The following PCDH9 variants were observed in gnomAD, a reference collection of about 807,000 sequenced individuals.
PCDH9 encodes the protein protocadherin 9, also known as protocadherin-9.
A neutral mutation model predicts 70.6 loss-of-function variants in PCDH9; 24 were observed. The observed-to-expected ratio is 0.34, with a 90% confidence interval of 0.25 to 0.48. The LOEUF is 0.48. PCDH9 is among the 20% of genes least tolerant of loss of function. The pLI is 0.99. For synonymous variants in PCDH9, 562 were observed against 558.5 expected, an observed-to-expected ratio of 1.01 and a Z score of -0.09; for missense variants, 1,281 against 1,503.6, an observed-to-expected ratio of 0.85 and a Z score of 2.45.
intron 3 of PCDH9, among the ~76,000 whole-genome samples, chr13:66,768,544 T>C (rs752089951): frequency 2.0e-5 from 3 of 152,052 alleles, no homozygotes; most frequent in Non-Finnish European, 4.4e-5. Flanking sequence ...CTGAATCTAA[T>C]GAGAAAGTTT....
intron 4 of PCDH9, among the ~76,000 whole-genome samples, chr13:66,495,045 C>G (rs757142807): frequency 6.6e-6 from 1 of 151,402 alleles, no homozygotes; most frequent in Non-Finnish European, 1.5e-5. Context: ...AAAGGAAGAA[C>G]AAGGAGTTAA....
At chr13:66,992,365 AC>A (rs1487006275) in intron 2 of PCDH9, among the ~76,000 whole-genome samples, 5 of 152,138 alleles carry the variant, frequency 3.3e-5, no homozygotes, top group Non-Finnish European at 7.4e-5. Flanking sequence ...TGGGGAAATC[AC>A]CCCCTCCAGC....
At chr13:66,718,072 G>A (rs2078894715) in intron 3 of PCDH9, among the ~76,000 whole-genome samples, 1 of 152,118 alleles carries the variant, frequency 6.6e-6, no homozygotes, top group Non-Finnish European at 1.5e-5. Flanking sequence ...GGAAGCAATA[G>A]GAAGAATAGA....
At chr13:67,169,802 C>T (rs2088226977) in intron 2 of PCDH9, among the ~76,000 whole-genome samples, 1 of 151,994 alleles carries the variant, frequency 6.6e-6, no homozygotes, top group Admixed American at 6.6e-5. Context: ...ATCTTTTAGC[C>T]CTGATTTTAC....
At chr13:66,758,365 C>T (rs1594017496) in intron 3 of PCDH9, among the ~76,000 whole-genome samples, 2 of 152,058 alleles carry the variant, frequency 1.3e-5, no homozygotes, top group East Asian at 3.9e-4. Context: ...CTAACCATCA[C>T]AGCCTTTGGA....
intron 2 of PCDH9, among the ~76,000 whole-genome samples, chr13:66,936,527 A>C (rs1199121006): frequency 2.0e-5 from 3 of 152,206 alleles, no homozygotes; most frequent in Non-Finnish European, 4.4e-5. Flanking sequence ...ATTCAAAAGA[A>C]ATACAGACAA....
At chr13:66,576,680 A>G (rs537269740) in intron 4 of PCDH9, among the ~76,000 whole-genome samples, 1 of 152,076 alleles carries the variant, frequency 6.6e-6, no homozygotes, top group Non-Finnish European at 1.5e-5. Context: ...GAGCATTCTC[A>G]TGGGGAAAAC....
intron 3 of PCDH9, among the ~76,000 whole-genome samples, chr13:66,876,246 G>A (rs188807199): frequency 8.6e-5 from 13 of 151,950 alleles, no homozygotes; most frequent in Admixed American, 8.5e-4. Flanking sequence ...GAATCAGAGA[G>A]TAAGAAAGTA....
chr13:66,659,793 G>C (rs1258106597), intron 3 of PCDH9, among the ~76,000 whole-genome samples: 2 of 150,106 alleles, frequency 1.3e-5, no homozygotes, highest in Non-Finnish European at 3.0e-5. Context: ...AAGCTGATTT[G>C]GGGTGTGTGC....
intron 4 of PCDH9, among the ~76,000 whole-genome samples, chr13:66,426,364 A>C (rs1386135585): frequency 6.6e-6 from 1 of 151,724 alleles, no homozygotes; most frequent in Non-Finnish European, 1.5e-5. Flanking sequence ...TTTAAGCCAC[A>C]TCTAGAGAGG....
In PCDH9 at chr13:67,228,514, A is replaced by C; in HGVS notation, c.-74T>G. On this transcript the variant is annotated 5_prime_UTR_variant, in exon 2 of 5. Transcript: ENST00000377865. Reference sequence around the variant, plus strand: ...CACTGAGGAATGATGCACAAATTGCAAGAGGAAGCGTGCATGGACTGGAGG... The same window carrying C: ...CACTGAGGAATGATGCACAAATTGCCAGAGGAAGCGTGCATGGACTGGAGG... 1 of 1,312,050 alleles carries C rather than the reference A, an allele frequency of 7.6e-7. No individual in the cohort carries two copies. The highest frequency in any genetic ancestry group is 1.5e-5 in the South Asian group (1 of 66,394). The allele number at this position is 1,312,050 out of a possible 1,614,324, so 81.3% of individuals were successfully genotyped here.
chr13:66,766,216 T>C (rs1440813345), intron 3 of PCDH9, among the ~76,000 whole-genome samples: 2 of 151,846 alleles, frequency 1.3e-5, no homozygotes, highest in African/African-American at 4.8e-5. Flanking sequence ...GTGTGGATAC[T>C]GGAGATTTTG....
chr13:66,601,671 T>C (rs1010435520), intron 4 of PCDH9, among the ~76,000 whole-genome samples: 1 of 146,396 alleles, frequency 6.8e-6, no homozygotes, highest in African/African-American at 2.5e-5. Flanking sequence ...AGAAGGCTGC[T>C]TTAACAGATA....
rs1380349832 is a variant in PCDH9 at position 66,982,998 on chromosome 13, TG to T, written c.3037-79394del. On this transcript the variant is annotated intron_variant, in intron 2 of 4. Transcript: ENST00000377865. ...GAAAAAGACAAAGCTTCTTTATGTT[TG>T]TCAAGTAAAATGTTTATAAAAGTTC... Among the ~76,000 whole-genome samples, 13 of 152,322 alleles carry T rather than the reference TG, an allele frequency of 8.5e-5. 1 individual carries two copies. The South Asian group carries it at 2.5e-3, about 29-fold the overall frequency.
chr13:66,911,015 T>C (rs9564359), intron 2 of PCDH9, among the ~76,000 whole-genome samples: 29,146 of 152,146 alleles, frequency 0.19, 3,038 homozygotes, highest in East Asian at 0.36. Context: ...AAATAAATAA[T>C]CATTTAGCTT....
At chr13:66,981,161 G>C (rs987544651) in intron 2 of PCDH9, among the ~76,000 whole-genome samples, 1 of 152,064 alleles carries the variant, frequency 6.6e-6, no homozygotes, top group Non-Finnish European at 1.5e-5. Flanking sequence ...AAGGTAGGCC[G>C]GTCGCGGTGG....
At chr13:67,206,201 T>G (rs1468856369) in intron 2 of PCDH9, 1 of 152,486 alleles carries the variant, frequency 6.6e-6, no homozygotes, top group East Asian at 1.9e-4. Context: ...AGTCTCACTC[T>G]GTTGCCCAGG....
At chr13:66,920,575 A>C (rs1434070807) in intron 2 of PCDH9, among the ~76,000 whole-genome samples, 1 of 151,140 alleles carries the variant, frequency 6.6e-6, no homozygotes, top group Non-Finnish European at 1.5e-5. Context: ...CAATCAAAAA[A>C]TTAAAGCCTG....
chr13:66,318,072 A>G (rs945349985), intron 4 of PCDH9, among the ~76,000 whole-genome samples: 4 of 152,136 alleles, frequency 2.6e-5, no homozygotes, highest in Non-Finnish European at 2.9e-5. Flanking sequence ...TTGTAGAGAG[A>G]AATTTTGCCC....
Sources: allele counts gnomAD v4.1 joint callset (sites outside exome capture counted in the v4.1 genomes callset), GRCh38; gene constraint gnomAD v4.1.1; transcripts MANE v1.5; gene names NCBI Gene and HGNC (gene_info 2026-07-23, HGNC 2026-07-21).